Variants in SWT1 observed in about 807,000 individuals in gnomAD.
SWT1 encodes transcriptional protein SWT1.
SWT1 carries 33 observed loss-of-function variants against 107.3 expected under a neutral mutation model. The ratio of observed to expected loss-of-function variants is 0.31; its 90% CI spans 0.23 to 0.41. The LOEUF is 0.41. Among genes scored for constraint, SWT1 ranks in the 10% least tolerant of loss-of-function variants. The pLI, the probability that SWT1 is intolerant of heterozygous loss-of-function variation, is 1.00. For missense variants in SWT1, 898 were observed against 1,028.9 expected (o/e 0.87, Z 1.74); for synonymous variants, 345 against 348.3 (o/e 0.99, Z 0.11).
chr1:185,212,662 G>T (rs1181731990), intron 13 of SWT1, among the ~76,000 whole-genome samples: 1 of 152,018 alleles, frequency 6.6e-6, no homozygotes, highest in Non-Finnish European at 1.5e-5. Flanking sequence ...AAATAGCTGG[G>T]CGTGGTGGTG....
chr1:185,166,705 G>A (rs946275790), intron 3 of SWT1, 53 bp downstream of exon 3: 26 of 1,171,606 alleles, frequency 2.2e-5, no homozygotes, highest in South Asian at 1.2e-4. Flanking sequence ...AGTTTTAATC[G>A]ACAGTGTTTG....
intron 13 of SWT1, 106 bp downstream of exon 13, chr1:185,206,869 T>C (rs1205271780): frequency 1.2e-6 from 1 of 810,134 alleles, no homozygotes; most frequent in Admixed American, 3.4e-5. Flanking sequence ...GTTAATTAGT[T>C]CTTAATCATT....
At chr1:185,171,996 C>G (rs1655115043) in intron 4 of SWT1, among the ~76,000 whole-genome samples, 2 of 152,186 alleles carry the variant, frequency 1.3e-5, no homozygotes, top group African/African-American at 4.8e-5. Flanking sequence ...TTATGGTTTG[C>G]TCTTACATAA....
At chr1:185,176,206 T>G (rs768417055) in intron 5 of SWT1, among the ~76,000 whole-genome samples, 4 of 148,620 alleles carry the variant, frequency 2.7e-5, no homozygotes, top group Non-Finnish European at 5.9e-5. Context: ...GAGGATCACT[T>G]GAGCCCAGGA....
chr1:185,166,667 A>G lies in SWT1; in HGVS notation c.165+15A>G, dbSNP rs1391909548. The G allele has an allele frequency of 2.6e-5, 38 of 1,478,216 alleles. No individual in the cohort carries two copies. In the South Asian group the frequency reaches 3.2e-4, roughly 12 times the overall value. The allele number at this position is 1,478,216 out of a possible 1,614,324, so 91.6% of individuals were successfully genotyped here. On this transcript the variant is annotated intron_variant, in intron 3 of 18. Transcript: ENST00000367500. ...AGAGAAAACTGGTGAGTGTCTAGATATAACTAACTAAAAGTTATTTATGCT... is the reference window on the plus strand; with the variant it reads ...AGAGAAAACTGGTGAGTGTCTAGATGTAACTAACTAAAAGTTATTTATGCT...
At chr1:185,161,548 A>C (rs1654148695) in intron 2 of SWT1, among the ~76,000 whole-genome samples, 1 of 152,090 alleles carries the variant, frequency 6.6e-6, no homozygotes, top group Non-Finnish European at 1.5e-5. Flanking sequence ...TACAAAAAAA[A>C]AAAGCCAGAC....
At chr1:185,210,286 A>G (rs1388940348) in intron 13 of SWT1, among the ~76,000 whole-genome samples, 1 of 152,128 alleles carries the variant, frequency 6.6e-6, no homozygotes, top group Admixed American at 6.6e-5. Flanking sequence ...TTAGTCATGA[A>G]GTCTTTGCTC....
intron 9 of SWT1, 76 bp downstream of exon 9, chr1:185,185,007 G>A (rs1005278073): frequency 6.6e-6 from 7 of 1,061,664 alleles, no homozygotes; most frequent in Non-Finnish European, 7.7e-6. Flanking sequence ...GGGAAATGGT[G>A]CAAAACTTTT....
Position 185,168,734 on chromosome 1 carries a change from T to C in SWT1, c.224+336T>C, listed in dbSNP as rs183990747. On this transcript the variant is annotated intron_variant, in intron 4 of 18. Coordinates refer to ENST00000367500, the MANE Select transcript of SWT1 (RefSeq NM_017673.7). The stretch of plus-strand genomic sequence containing the variant: ...ATGAGGCTAATTTAGAGATTTTGGA[T>C]AAATCATTTTCATATATTACCCGTG... 1.4e-4 allele frequency among the ~76,000 whole-genome samples: 21 copies of C among 152,352 alleles called. No individual in the cohort carries two copies. The East Asian group carries it at 3.3e-3, about 24-fold the overall frequency.
intron 16 of SWT1, among the ~76,000 whole-genome samples, chr1:185,237,393 C>T (rs1381835653): frequency 6.6e-6 from 1 of 152,154 alleles, no homozygotes; most frequent in Non-Finnish European, 1.5e-5. Flanking sequence ...GAGTTCATGT[C>T]CTTTGCAGGG....
chr1:185,264,328 A>C (rs1318456835), intron 16 of SWT1: 6 of 984,774 alleles, frequency 6.1e-6, no homozygotes, highest in Non-Finnish European at 7.2e-6. Context: ...TAAGGAGAGA[A>C]GACCATTACC....
intron 17 of SWT1, among the ~76,000 whole-genome samples, chr1:185,274,233 CAT>C (rs201901931): frequency 0.026 from 3,829 of 147,726 alleles, 173 homozygotes; most frequent in African/African-American, 0.088. Context: ...ATCTAAGAAT[CAT>C]ATGTTGTATA....
At chr1:185,208,104 A>G (rs1479628281) in intron 13 of SWT1, among the ~76,000 whole-genome samples, 16 of 152,208 alleles carry the variant, frequency 1.1e-4, no homozygotes, top group Non-Finnish European at 4.4e-5. Flanking sequence ...TTAAATTATT[A>G]AAGGCACCAA....
chr1:185,201,091 G>T (rs1657834056), intron 10 of SWT1, among the ~76,000 whole-genome samples: 1 of 152,092 alleles, frequency 6.6e-6, no homozygotes, highest in Non-Finnish European at 1.5e-5. Context: ...AATGGCGGAT[G>T]CCCCTCCCCC....
intron 5 of SWT1, among the ~76,000 whole-genome samples, chr1:185,180,048 T>C (rs1325862807): frequency 2.0e-5 from 3 of 152,086 alleles, no homozygotes; most frequent in Non-Finnish European, 4.4e-5. Context: ...TAGCCGGGTG[T>C]GTTGGTGTGC....
rs922350829 is a variant in SWT1, at chr1:185,157,260, T to A, written c.-64T>A. 2.0e-5 allele frequency: 3 copies of A among 152,534 alleles called. No individual in the cohort carries two copies. Among genetic ancestry groups the A allele is most frequent in the African/African-American group, 7.3e-5 (3 of 41,242 alleles). 9.4% of individuals were successfully genotyped at this position (152,534 alleles called of 1,614,324 possible). On this transcript the variant is annotated 5_prime_UTR_variant, in exon 1 of 19. Transcript: ENST00000367500. ...GTGTGTGTGTGTTGGGAGGCGGGGG[T>A]CCCTCTCCTTTGGCTTGGGGCTCCG...
chr1:185,287,725 C>T (rs551189546), intron 18 of SWT1, among the ~76,000 whole-genome samples: 1 of 152,188 alleles, frequency 6.6e-6, no homozygotes, highest in Non-Finnish European at 1.5e-5. Context: ...GGTAAAGGAA[C>T]TTAAGAATGC....
chr1:185,229,400 A>G (rs1289557556), intron 15 of SWT1, among the ~76,000 whole-genome samples: 1 of 152,148 alleles, frequency 6.6e-6, no homozygotes, highest in Non-Finnish European at 1.5e-5. Context: ...TTTCATCCTC[A>G]TCTCACGCTC....
chr1:185,225,841 A>G (rs1489261232), intron 15 of SWT1, among the ~76,000 whole-genome samples: 1 of 152,224 alleles, frequency 6.6e-6, no homozygotes, highest in African/African-American at 2.4e-5. Context: ...GATTTTGTTA[A>G]AAGAAGATAA....
Sources: allele counts gnomAD v4.1 joint callset (sites outside exome capture counted in the v4.1 genomes callset), GRCh38; gene constraint gnomAD v4.1.1; transcripts MANE v1.5; gene names NCBI Gene and HGNC (gene_info 2026-07-23, HGNC 2026-07-21).